Variants in ZNF385D observed in about 807,000 individuals in gnomAD.
ZNF385D encodes zinc finger protein 385D.
Under a neutral mutation model 35.8 loss-of-function variants are expected in ZNF385D, and 15 were observed. That is an observed-to-expected ratio of 0.42 (90% CI 0.28 to 0.64). The LOEUF (loss-of-function observed/expected upper bound fraction) is 0.64. Among genes scored for constraint, ZNF385D ranks in the 30% least tolerant of loss-of-function variants. The pLI, the probability that ZNF385D is intolerant of heterozygous loss-of-function variation, is 0.23. For missense variants in ZNF385D, 474 were observed against 494.6 expected, an observed-to-expected ratio of 0.96 and a Z score of 0.39; for synonymous variants, 212 against 186.8, an observed-to-expected ratio of 1.13 and a Z score of -1.10.
intron 3 of ZNF385D, among the ~76,000 whole-genome samples, chr3:22,118,060 AT>A (rs2125658691): frequency 6.6e-6 from 1 of 152,246 alleles, no homozygotes; most frequent in African/African-American, 2.4e-5. Flanking sequence ...TTAAATAAGT[AT>A]TTTTATGCAG....
chr3:22,123,656 T>G (rs1410355435), intron 3 of ZNF385D, among the ~76,000 whole-genome samples: 1 of 152,140 alleles, frequency 6.6e-6, no homozygotes, highest in African/African-American at 2.4e-5. Context: ...GGTCAGGCAT[T>G]CAAGACCAGC....
rs1487939859 is a variant in ZNF385D, at chr3:21,412,399, A to G, written c.*8815T>C. 6.6e-6 allele frequency: 1 copy of G among 152,060 alleles called. No homozygotes were observed. Among genetic ancestry groups the G allele is most frequent in the Non-Finnish European group, 1.5e-5 (1 of 67,968 alleles). The allele number at this position is 152,060 out of a possible 1,614,324, so 9.4% of individuals were successfully genotyped here. A position where few individuals can be genotyped will look rare whatever the true frequency, so the allele number is the denominator to read the frequency against. The stretch of plus-strand genomic sequence containing the variant: ...ATTACAAACAAGTGGAATAGAACAT[A>G]GAGAATACATAATTTGTTCTAATAT... On this transcript the variant is annotated 3_prime_UTR_variant, in exon 8 of 8. Transcript: ENST00000281523.
At chr3:21,780,882 G>T (rs527805176) in intron 3 of ZNF385D, among the ~76,000 whole-genome samples, 2 of 152,174 alleles carry the variant, frequency 1.3e-5, no homozygotes, top group African/African-American at 2.4e-5. Flanking sequence ...GTCCAAAATG[G>T]TTGACATTTA....
upstream of ZNF385D, chr3:21,751,351 CG>C: frequency 3.8e-6 from 4 of 1,040,392 alleles, no homozygotes; most frequent in Non-Finnish European, 4.6e-6. Flanking sequence ...TGGGAAGGGG[CG>C]GAGTGAGGGG....
chr3:22,224,205 AT>A (rs1698424827), intron 2 of ZNF385D, among the ~76,000 whole-genome samples: 1 of 152,198 alleles, frequency 6.6e-6, no homozygotes, highest in Non-Finnish European at 1.5e-5. Context: ...GTACAGGTAG[AT>A]TTCAGATGAA....
At chr3:21,843,928 T>G (rs1016229308) in intron 3 of ZNF385D, among the ~76,000 whole-genome samples, 1 of 151,916 alleles carries the variant, frequency 6.6e-6, no homozygotes, top group Non-Finnish European at 1.5e-5. Context: ...GAAACAGACA[T>G]AGAATGTGCA....
intron 2 of ZNF385D, among the ~76,000 whole-genome samples, chr3:21,566,144 C>T (rs927676624): frequency 6.6e-6 from 1 of 152,108 alleles, no homozygotes; most frequent in Non-Finnish European, 1.5e-5. Context: ...ATAATGCTTT[C>T]CATAGGCTAA....
chr3:21,807,927 T>C (rs1425014541), intron 3 of ZNF385D, among the ~76,000 whole-genome samples: 1 of 152,156 alleles, frequency 6.6e-6, no homozygotes, highest in Non-Finnish European at 1.5e-5. Context: ...TAGAAGGAAA[T>C]TGTTTCTCTG....
intron 3 of ZNF385D, among the ~76,000 whole-genome samples, chr3:21,947,646 G>A (rs891024313): frequency 2.0e-5 from 3 of 152,238 alleles, no homozygotes; most frequent in Non-Finnish European, 4.4e-5. Flanking sequence ...CACCGCGCCC[G>A]GCTATAAGTT....
chr3:21,608,012 C>CTTTTTTTTTTTTTTT (rs368555930), intron 2 of ZNF385D, among the ~76,000 whole-genome samples: 22 of 123,946 alleles, frequency 1.8e-4, no homozygotes, highest in African/African-American at 5.6e-4. Flanking sequence ...TCTTTTTCTT[C>CTTTTTTTTTTTTTTT]TTTTTTTTTT....
At chr3:21,621,633 C>T (rs763986338) in intron 2 of ZNF385D, among the ~76,000 whole-genome samples, 40 of 143,418 alleles carry the variant, frequency 2.8e-4, no homozygotes, top group Non-Finnish European at 5.0e-4. Context: ...CCACTAAGGA[C>T]GACCTTTCCA....
intron 3 of ZNF385D, among the ~76,000 whole-genome samples, chr3:21,940,853 G>T (rs1472380053): frequency 1.3e-5 from 2 of 152,072 alleles, no homozygotes; most frequent in Non-Finnish European, 1.5e-5. Context: ...TACAGAAATA[G>T]TTTTGAATAC....
At chr3:21,907,728 T>C (rs1699752396) in intron 3 of ZNF385D, among the ~76,000 whole-genome samples, 1 of 152,122 alleles carries the variant, frequency 6.6e-6, no homozygotes, top group South Asian at 2.1e-4. Context: ...TTCAGTATTA[T>C]TATTTTTAAA....
chr3:22,083,881 C>A (rs1276925319), intron 3 of ZNF385D, among the ~76,000 whole-genome samples: 1 of 152,226 alleles, frequency 6.6e-6, no homozygotes, highest in Non-Finnish European at 1.5e-5. Context: ...AACAGCTGAT[C>A]TCTCAGCAGA....
intron 2 of ZNF385D, among the ~76,000 whole-genome samples, chr3:21,576,913 T>C (rs1342388139): frequency 6.6e-6 from 1 of 152,208 alleles, no homozygotes. Flanking sequence ...TGGGGTAACA[T>C]TGTGATATTT....
intron 3 of ZNF385D, among the ~76,000 whole-genome samples, chr3:21,989,680 A>G (rs1207423121): frequency 1.3e-5 from 1 of 77,024 alleles, no homozygotes; most frequent in Non-Finnish European, 2.5e-5. Context: ...CAATAATAAT[A>G]AAAAAAAAAG....
At chr3:21,654,045 A>T (rs923136903) in intron 2 of ZNF385D, among the ~76,000 whole-genome samples, 9 of 152,036 alleles carry the variant, frequency 5.9e-5, no homozygotes, top group Non-Finnish European at 1.2e-4. Context: ...AAACTGCTTT[A>T]AAATGCCCCA....
At chr3:22,191,186 T>G (rs544884673) in intron 2 of ZNF385D, among the ~76,000 whole-genome samples, 1 of 152,078 alleles carries the variant, frequency 6.6e-6, no homozygotes, top group Non-Finnish European at 1.5e-5. Flanking sequence ...GTGTGCCATA[T>G]TGACCTTATA....
rs138397004 is a variant in ZNF385D at position 22,365,889 on chromosome 3, T to C, written c.106+6561A>G. 7.2e-3 allele frequency among the ~76,000 whole-genome samples: 1,099 copies of C among 152,222 alleles called. 21 individuals are homozygous for C. Among genetic ancestry groups the C allele is most frequent in the African/African-American group, 0.025 (1,025 of 41,560 alleles). On this transcript the variant is annotated intron_variant, in intron 2 of 5. Coordinates refer to the ZNF385D transcript ENST00000494108. ...AATTTGCCAAAGGAAACTGTTAATA[T>C]GTTTCTGTTGTTATTATTATTCCTG...
Sources: allele counts gnomAD v4.1 joint callset (sites outside exome capture counted in the v4.1 genomes callset), GRCh38; gene constraint gnomAD v4.1.1; transcripts MANE v1.5; gene names NCBI Gene and HGNC (gene_info 2026-07-23, HGNC 2026-07-21).